The following TREM2 variants were observed in gnomAD, a reference collection of about 807,000 sequenced individuals.
TREM2 encodes triggering receptor expressed on monocytes 2.
Under a neutral mutation model 22.9 loss-of-function variants are expected in TREM2, and 20 were observed. That is an observed-to-expected ratio of 0.87 (90% CI 0.61 to 1.27). The LOEUF is 1.27. TREM2 is among the 50% of genes most tolerant of loss of function. TREM2 has a pLI of 0.00. For missense variants in TREM2, 267 were observed against 289.0 expected (o/e 0.92, Z 0.55); for synonymous variants, 111 against 120.9 (o/e 0.92, Z 0.54).
In TREM2 at chr6:41,159,780, C is replaced by T; in HGVS notation, c.482+12G>A. Reference sequence around the variant, plus strand: ...TCTGCCCACGGGTTTTAGGAAAGACCCATCGCTGTACCTGGAGATGCTGTG... The same window carrying T: ...TCTGCCCACGGGTTTTAGGAAAGACTCATCGCTGTACCTGGAGATGCTGTG... On this transcript the variant is annotated intron_variant, in intron 3 of 4. Transcript: ENST00000373113. The T allele has an allele frequency of 1.2e-6, 2 of 1,613,482 alleles. No homozygotes were observed. Among genetic ancestry groups the T allele is most frequent in the Non-Finnish European group, 8.5e-7 (1 of 1,179,470 alleles).
intron 3 of TREM2, 88 bp downstream of exon 3, chr6:41,159,704 G>A: frequency 8.5e-7 from 1 of 1,182,742 alleles, no homozygotes; most frequent in Middle Eastern, 1.9e-4. Context: ...CTTGTAATTT[G>A]TAGTTCAGGA....
chr6:41,162,945 C>T, intron 1 of TREM2, 98 bp downstream of exon 1: 2 of 1,540,532 alleles, frequency 1.3e-6, no homozygotes, highest in Non-Finnish European at 1.8e-6. Context: ...AGGACTGCCA[C>T]CGCCTTCATA....
At chr6:41,160,297 G>T (rs556777790) in intron 2 of TREM2, among the ~76,000 whole-genome samples, 47 of 152,238 alleles carry the variant, frequency 3.1e-4, no homozygotes, top group Non-Finnish European at 6.3e-4. Flanking sequence ...GGAGTTCACT[G>T]CCACCGGCCA....
intron 2 of TREM2, among the ~76,000 whole-genome samples, chr6:41,160,184 A>G (rs1047281301): frequency 2.6e-5 from 4 of 152,174 alleles, no homozygotes; most frequent in African/African-American, 9.7e-5. Flanking sequence ...AAGAGCAAAT[A>G]CAATCGTGGA....
At chr6:41,159,675 C>T (rs1344005075) in intron 3 of TREM2, 117 bp downstream of exon 3, 1 of 837,450 alleles carries the variant, frequency 1.2e-6, no homozygotes, top group Non-Finnish European at 2.0e-6. Context: ...ATATCCAGGG[C>T]CCTTCAGGCT....
chr6:41,162,908 G>A (rs1390503156), intron 1 of TREM2, 135 bp downstream of exon 1: 42 of 1,125,918 alleles, frequency 3.7e-5, no homozygotes, highest in Non-Finnish European at 5.0e-5. Flanking sequence ...GAGGAGAGGA[G>A]TGCAGAACAG....
chr6:41,162,893 G>A (rs1276027930), intron 1 of TREM2, 150 bp downstream of exon 1: 9 of 961,522 alleles, frequency 9.4e-6, no homozygotes, highest in East Asian at 2.5e-5. Flanking sequence ...TATGGGCAGG[G>A]TGGGGAGGAG....
chr6:41,160,516 A>C (rs2113878993), intron 2 of TREM2, among the ~76,000 whole-genome samples: 1 of 152,066 alleles, frequency 6.6e-6, no homozygotes, highest in East Asian at 1.9e-4. Context: ...CTGCAGACTC[A>C]AGCAGAAGGC....
At chr6:41,159,755 T>C in intron 3 of TREM2, 37 bp downstream of exon 3, 3 of 1,598,126 alleles carry the variant, frequency 1.9e-6, no homozygotes, top group Non-Finnish European at 2.6e-6. Context: ...AGGGTGGAAG[T>C]CTGCCCACGG....
chr6:41,160,476 TTTGTTCTCCTTTGGGGACACAG>T (rs1765534269), intron 2 of TREM2, among the ~76,000 whole-genome samples: 1 of 151,936 alleles, frequency 6.6e-6, no homozygotes, highest in South Asian at 2.1e-4. Context: ...TAGCCCCAGA[TTTGTTCTCCTTTGGGGACACAG>T]TTGTGTTCTG....
At chr6:41,162,803 A>ACCAG (rs1234710781) in intron 1 of TREM2, among the ~76,000 whole-genome samples, 3 of 152,090 alleles carry the variant, frequency 2.0e-5, no homozygotes, top group African/African-American at 7.2e-5. Context: ...ACCAGAGTCC[A>ACCAG]CCAGCCCCTT....
chr6:41,159,730 C>T, intron 3 of TREM2, 62 bp downstream of exon 3: 1 of 1,493,146 alleles, frequency 6.7e-7, no homozygotes, highest in Non-Finnish European at 9.3e-7. Flanking sequence ...AGCCCCCACC[C>T]CCGTGGGGCT....
At chr6:41,161,700 C>T in intron 1 of TREM2, 87 bp from the exon 2 acceptor site, 2 of 1,201,946 alleles carry the variant, frequency 1.7e-6, no homozygotes, top group Non-Finnish European at 2.4e-6. Context: ...AGACAAAAAT[C>T]CTGCCCTGAA....
At chr6:41,159,430 T>C (rs1282548994) in intron 3 of TREM2, among the ~76,000 whole-genome samples, 2 of 152,252 alleles carry the variant, frequency 1.3e-5, no homozygotes, top group Non-Finnish European at 2.9e-5. Context: ...GTCCTACCAA[T>C]GAAGCAGAGA....
chr6:41,160,935 G>A (rs1053256141), intron 2 of TREM2, among the ~76,000 whole-genome samples: 5 of 152,206 alleles, frequency 3.3e-5, no homozygotes, highest in African/African-American at 9.6e-5. Context: ...GATGGAGATG[G>A]ATAAAGCTGT....
intron 2 of TREM2, 28 bp from the exon 3 acceptor site, chr6:41,159,910 A>G: frequency 6.3e-7 from 1 of 1,596,804 alleles, no homozygotes; most frequent in South Asian, 1.1e-5. Flanking sequence ...ATGAGCCTCC[A>G]GCCCCTTCCT....
At chr6:41,159,370 C>T (rs1765499895) in intron 3 of TREM2, among the ~76,000 whole-genome samples, 1 of 152,160 alleles carries the variant, frequency 6.6e-6, no homozygotes. Flanking sequence ...GTTATATGAA[C>T]AACGTTTAAA....
intron 1 of TREM2, 102 bp from the exon 2 acceptor site, chr6:41,161,715 C>T (rs1765572715): frequency 3.0e-6 from 3 of 990,064 alleles, no homozygotes; most frequent in Non-Finnish European, 4.6e-6. Context: ...CCTGAAGGAG[C>T]TTAGGTTCTT....
intron 2 of TREM2, among the ~76,000 whole-genome samples, chr6:41,160,699 A>T (rs79640267): frequency 6.6e-6 from 1 of 152,220 alleles, no homozygotes; most frequent in African/African-American, 2.4e-5. Context: ...CAGGAACCCT[A>T]TGGGGTCAGC....
Sources: gnomAD v4.1 joint callset for allele counts (sites outside exome capture counted in the v4.1 genomes callset) on GRCh38, gnomAD v4.1.1 for gene constraint, MANE v1.5 for transcripts, NCBI Gene and HGNC (gene_info 2026-07-23, HGNC 2026-07-21) for gene names.